Variants in PANX1 observed in about 807,000 individuals in gnomAD.
The protein encoded by PANX1 is pannexin-1.
A neutral mutation model predicts 38.7 loss-of-function variants in PANX1; 30 were observed. The observed-to-expected ratio is 0.78, with a 90% confidence interval of 0.58 to 1.05. The LOEUF is 1.05. PANX1 is among the 50% of genes least tolerant of loss of function. The pLI is 0.00. For synonymous variants in PANX1, 230 were observed against 212.2 expected (o/e 1.08, Z -0.73); for missense variants, 551 against 517.2 (o/e 1.07, Z -0.63).
At chr11:94,171,733 T>C (rs4638271) in intron 2 of PANX1, among the ~76,000 whole-genome samples, 79,286 of 151,060 alleles carry the variant, frequency 0.52, 21,963 homozygotes, top group African/African-American at 0.66. Flanking sequence ...GGTGTCATTT[T>C]TCTCCAACCG....
At chr11:94,176,414 GAA>G (rs1362871263) in intron 2 of PANX1, among the ~76,000 whole-genome samples, 1 of 151,624 alleles carries the variant, frequency 6.6e-6, no homozygotes, top group Non-Finnish European at 1.5e-5. Flanking sequence ...CTTGGAACAG[GAA>G]GAGGACAGTA....
intron 1 of PANX1, among the ~76,000 whole-genome samples, chr11:94,137,028 A>G (rs923149633): frequency 5.9e-5 from 9 of 151,262 alleles, no homozygotes; most frequent in Admixed American, 5.3e-4. Context: ...GGTGCTACAC[A>G]TTTCTAGTGG....
intron 1 of PANX1, among the ~76,000 whole-genome samples, chr11:94,137,762 G>A (rs1173416711): frequency 1.4e-5 from 2 of 146,412 alleles, no homozygotes; most frequent in South Asian, 4.3e-4. Context: ...ATTTATATAT[G>A]TATATTATAT....
chr11:94,145,807 T>C (rs1259651636), intron 1 of PANX1, among the ~76,000 whole-genome samples: 2 of 152,220 alleles, frequency 1.3e-5, no homozygotes, highest in Admixed American at 1.3e-4. Flanking sequence ...ATAGATACTG[T>C]TGGGAGCCAG....
chr11:94,138,160 A>G lies in PANX1; in HGVS notation c.181+8667A>G, dbSNP rs78513407. 4.4e-3 allele frequency among the ~76,000 whole-genome samples: 669 copies of G among 152,222 alleles called. 15 individuals are homozygous for G. In the East Asian group the frequency reaches 0.068, roughly 15 times the overall value. ...GGGTTGCCCTCTGGATAGACCCCCA[A>G]TGGATACTTCTCCCCGCAGCTGAAG... On this transcript the variant is annotated intron_variant, in intron 1 of 4. Transcript: ENST00000227638.
At chr11:94,171,388 T>C (rs1591524073) in intron 2 of PANX1, among the ~76,000 whole-genome samples, 1 of 151,738 alleles carries the variant, frequency 6.6e-6, no homozygotes, top group African/African-American at 2.4e-5. Context: ...CTTTATTAAT[T>C]CTTTATCTCT....
chr11:94,146,435 C>T lies in PANX1; in HGVS notation c.182-7056C>T, dbSNP rs573110970. On this transcript the variant is annotated intron_variant, in intron 1 of 4. Coordinates refer to ENST00000227638, the MANE Select transcript of PANX1 (RefSeq NM_015368.4). ...TGGGACACAATATTGACCCTGTCTG[C>T]GAGGATCCCTCCACAGACCACTTAT... 9.2e-5 allele frequency among the ~76,000 whole-genome samples: 14 copies of T among 152,300 alleles called. No homozygotes were observed. The South Asian group carries it at 1.0e-3, about 11-fold the overall frequency.
chr11:94,166,172 T>C (rs907590464), intron 2 of PANX1, among the ~76,000 whole-genome samples: 1 of 152,226 alleles, frequency 6.6e-6, no homozygotes, highest in Non-Finnish European at 1.5e-5. Flanking sequence ...GTCTTCATTT[T>C]AAGGTATGAG....
intron 2 of PANX1, among the ~76,000 whole-genome samples, chr11:94,158,646 G>C (rs922526837): frequency 3.9e-5 from 6 of 152,156 alleles, no homozygotes; most frequent in Non-Finnish European, 7.3e-5. Flanking sequence ...AGGAGATTTT[G>C]GGCTGAGACA....
chr11:94,154,879 A>G (rs1195413990), intron 2 of PANX1, among the ~76,000 whole-genome samples: 5 of 152,210 alleles, frequency 3.3e-5, no homozygotes, highest in African/African-American at 1.2e-4. Flanking sequence ...AAATGTTATT[A>G]AGAATATTAT....
intron 1 of PANX1, among the ~76,000 whole-genome samples, chr11:94,133,841 A>G (rs1237433830): frequency 6.6e-6 from 1 of 152,132 alleles, no homozygotes; most frequent in Non-Finnish European, 1.5e-5. Flanking sequence ...CTCCATAGGA[A>G]TTTAGTGAAG....
At chr11:94,132,163 A>T (rs1946637471) in intron 1 of PANX1, among the ~76,000 whole-genome samples, 1 of 152,162 alleles carries the variant, frequency 6.6e-6, no homozygotes, top group African/African-American at 2.4e-5. Context: ...GCATCATCAG[A>T]CCTTGCTAAT....
intron 2 of PANX1, among the ~76,000 whole-genome samples, chr11:94,162,401 C>G (rs1010349743): frequency 2.6e-5 from 4 of 152,310 alleles, no homozygotes; most frequent in Middle Eastern, 3.4e-3. Context: ...TGTTTACCTA[C>G]TCAAGCCTCA....
chr11:94,174,846 C>T (rs1167301325), intron 2 of PANX1, among the ~76,000 whole-genome samples: 1 of 151,788 alleles, frequency 6.6e-6, no homozygotes, highest in Admixed American at 6.5e-5. Context: ...AGTTGTACTG[C>T]TCACCCTCTA....
intron 2 of PANX1, among the ~76,000 whole-genome samples, chr11:94,173,767 T>G (rs1017242160): frequency 6.6e-6 from 1 of 151,762 alleles, no homozygotes; most frequent in African/African-American, 2.4e-5. Context: ...TATTTGATTT[T>G]GCCCTCTACC....
intron 2 of PANX1, among the ~76,000 whole-genome samples, chr11:94,164,921 T>C (rs904696540): frequency 6.6e-6 from 1 of 152,236 alleles, no homozygotes; most frequent in Non-Finnish European, 1.5e-5. Flanking sequence ...GTTATCATTA[T>C]ATAATGACTT....
chr11:94,178,252 C>G (rs1188950238), intron 2 of PANX1, 117 bp from the exon 3 acceptor site: 5 of 765,756 alleles, frequency 6.5e-6, no homozygotes, highest in Non-Finnish European at 4.4e-6. Flanking sequence ...GGTAATGAGC[C>G]CAATTTCCAC....
chr11:94,175,317 A>T (rs1353867442), intron 2 of PANX1, among the ~76,000 whole-genome samples: 1 of 151,672 alleles, frequency 6.6e-6, no homozygotes, highest in East Asian at 1.9e-4. Context: ...TGTGGCATTA[A>T]ATGATGTTAT....
At chr11:94,146,081 G>A (rs1946826212) in intron 1 of PANX1, among the ~76,000 whole-genome samples, 1 of 152,202 alleles carries the variant, frequency 6.6e-6, no homozygotes, top group Non-Finnish European at 1.5e-5. Flanking sequence ...CAGTTGCAGA[G>A]TGGAAACAGA....
Sources: allele counts gnomAD v4.1 joint callset (sites outside exome capture counted in the v4.1 genomes callset), GRCh38; gene constraint gnomAD v4.1.1; transcripts MANE v1.5; gene names NCBI Gene and HGNC (gene_info 2026-07-23, HGNC 2026-07-21).